Variants in RTKN2 observed in about 807,000 individuals in gnomAD.
The protein encoded by RTKN2 is rhotekin 2.
Under a neutral mutation model 71.5 loss-of-function variants are expected in RTKN2, and 69 were observed. That is an observed-to-expected ratio of 0.96 (90% confidence interval 0.79 to 1.18). RTKN2 has a LOEUF of 1.18. RTKN2 is among the 50% of genes most tolerant of loss of function. RTKN2 has a pLI of 0.00. For missense variants in RTKN2, 724 were observed against 719.7 expected (o/e 1.01, Z -0.07); for synonymous variants, 236 against 236.5 (o/e 1.00, Z 0.02).
chr10:62,188,708 C>T (rs914556125), downstream of RTKN2, among the ~76,000 whole-genome samples: 7 of 151,788 alleles, frequency 4.6e-5, no homozygotes, highest in Non-Finnish European at 8.8e-5. Flanking sequence ...CCTTTCTTTT[C>T]ATTCCCACTA....
chr10:62,247,540 T>C (rs910848491), intron 2 of RTKN2, among the ~76,000 whole-genome samples: 2 of 151,982 alleles, frequency 1.3e-5, no homozygotes, highest in African/African-American at 4.8e-5. Context: ...CAAATACTCA[T>C]TGTTTATTTC....
rs373879136 is a variant in RTKN2, at chr10:62,199,808, G to A, written c.1240C>T (p.Arg414Trp). The change falls in exon 11 of 12, where the codon CGG (arginine) becomes TGG (tryptophan). Residue 414 changes from arginine (R) to tryptophan (W), a missense_variant. By Grantham distance (101) the Arg-to-Trp change is moderately radical (BLOSUM62 -3). Transcript: ENST00000373789. ...TTTGTCAAGAACAAAGGTGGTTTCCGTGGTGACATAATCTCAATTTTCATA... is the reference window on the plus strand; with the variant it reads ...TTTGTCAAGAACAAAGGTGGTTTCCATGGTGACATAATCTCAATTTTCATA... ...ELMKIEIMSPRKPPLFLTKEA... is the reference protein window; with the variant it reads ...ELMKIEIMSPWKPPLFLTKEA... The A allele has an allele frequency of 1.7e-4, 267 of 1,613,512 alleles. No individual in the cohort carries two copies. The highest frequency in any genetic ancestry group is 2.2e-4 in the Non-Finnish European group (256 of 1,179,704).
Position 62,195,121 on chromosome 10 carries a change from A to G in RTKN2, c.*2787T>C, listed in dbSNP as rs1473774407. On this transcript the variant is annotated 3_prime_UTR_variant, in exon 12 of 12. Coordinates refer to ENST00000373789, the MANE Select transcript of RTKN2 (RefSeq NM_145307.4). ...ATACTATCTTAATGCTGACTACGTAATTTATATCCCAGAGCTTGAAATGTA... is the reference window on the plus strand; with the variant it reads ...ATACTATCTTAATGCTGACTACGTAGTTTATATCCCAGAGCTTGAAATGTA... The G allele has an allele frequency of 1.0e-6, 1 of 980,426 alleles. No homozygotes were observed. Among genetic ancestry groups the G allele is most frequent in the Admixed American group, 6.2e-5 (1 of 16,256 alleles). The allele number at this position is 980,426 out of a possible 1,614,324, so 60.7% of individuals were successfully genotyped here.
rs4104327 is a variant in RTKN2, at chr10:62,258,560, C to G, written c.257+4065G>C. Reference sequence around the variant, plus strand: ...GGTTATTTCAATTATTTACTCTCATCTTTTTAATACCCTGCTGCCAAATAA... The same window carrying G: ...GGTTATTTCAATTATTTACTCTCATGTTTTTAATACCCTGCTGCCAAATAA... On this transcript the variant is annotated intron_variant, in intron 2 of 11. Transcript: ENST00000373789. Among the ~76,000 whole-genome samples, 38 of 152,198 alleles carry G rather than the reference C, an allele frequency of 2.5e-4. No individual in the cohort carries two copies. The South Asian group carries it at 7.5e-3, about 30-fold the overall frequency.
chr10:62,185,755 CAT>C (rs2132753047), intron 8 of RTKN2, among the ~76,000 whole-genome samples: 1 of 152,334 alleles, frequency 6.6e-6, no homozygotes, highest in East Asian at 1.9e-4. Context: ...GGCACAGTTA[CAT>C]GTGACTGCTG....
chr10:62,189,332 G>A (rs1018270997), downstream of RTKN2, among the ~76,000 whole-genome samples: 3 of 152,070 alleles, frequency 2.0e-5, no homozygotes. Context: ...ATCACCCCTG[G>A]TTGAGATCAT....
In RTKN2 at chr10:62,194,003, T is replaced by C. The variant is rs1841273711; in HGVS notation, c.*3905A>G. The C allele has an allele frequency of 1.0e-6, 1 of 985,108 alleles. No homozygotes were observed. 61.0% of individuals were successfully genotyped at this position (985,108 alleles called of 1,614,324 possible). ...GAGAAAAAGTTAGAAAACGTCTTCA[T>C]GAATCAGTTCTTTTAATGTACAGAA... On this transcript the variant is annotated 3_prime_UTR_variant, in exon 12 of 12. Transcript: ENST00000373789.
Position 62,194,204 on chromosome 10 carries a change from C to G in RTKN2, c.*3704G>C, listed in dbSNP as rs1034314195. 2.0e-6 allele frequency: 2 copies of G among 984,368 alleles called. No individual in the cohort carries two copies. Among genetic ancestry groups the G allele is most frequent in the African/African-American group, 3.5e-5 (2 of 57,216 alleles). 61.0% of individuals were successfully genotyped at this position (984,368 alleles called of 1,614,324 possible). A position where few individuals can be genotyped will look rare whatever the true frequency, so the allele number is the denominator to read the frequency against. On this transcript the variant is annotated 3_prime_UTR_variant, in exon 12 of 12. Transcript: ENST00000373789. ...AAATCAACACACCCTAATATATTTTCAAATGATGACTTGTCTTTTAAAAAC... is the reference window on the plus strand; with the variant it reads ...AAATCAACACACCCTAATATATTTTGAAATGATGACTTGTCTTTTAAAAAC...
At position 62,197,545 on chromosome 10, in the gene RTKN2, TA is replaced by T; in HGVS notation, c.*362del. 1.0e-6 allele frequency: 1 copy of T among 1,004,652 alleles called. No homozygotes were observed. Among genetic ancestry groups the T allele is most frequent in the Non-Finnish European group, 1.2e-6 (1 of 841,500 alleles). 62.2% of individuals were successfully genotyped at this position (1,004,652 alleles called of 1,614,324 possible). On this transcript the variant is annotated 3_prime_UTR_variant, in exon 12 of 12. Transcript: ENST00000373789. ...ATTCTCACAATGAGAATATGGTTCA[TA>T]TTTAACACATTTTAAATTACTAGAC...
At chr10:62,261,746 T>C (rs904044928) in intron 2 of RTKN2, among the ~76,000 whole-genome samples, 3 of 152,156 alleles carry the variant, frequency 2.0e-5, no homozygotes, top group African/African-American at 7.2e-5. Context: ...TACATCCTCA[T>C]CAAAATTTTA....
At position 62,196,939 on chromosome 10, in the gene RTKN2, C is replaced by T. The variant is rs7088302; in HGVS notation, c.*969G>A. Reference sequence around the variant, plus strand: ...TCCTATGGAAATGATTCCAATGTCACTGTTGTAAGAATATGACATTTAATG... The same window carrying T: ...TCCTATGGAAATGATTCCAATGTCATTGTTGTAAGAATATGACATTTAATG... On this transcript the variant is annotated 3_prime_UTR_variant, in exon 12 of 12. Coordinates refer to ENST00000373789, the MANE Select transcript of RTKN2 (RefSeq NM_145307.4). 0.25 allele frequency: 248,879 copies of T among 978,392 alleles called. 35,480 individuals carry two copies. The highest frequency in any genetic ancestry group is 0.58 in the African/African-American group (33,088 of 56,970). 60.6% of individuals were successfully genotyped at this position (978,392 alleles called of 1,614,324 possible). A position where few individuals can be genotyped will look rare whatever the true frequency, so the allele number is the denominator to read the frequency against.
intron 3 of RTKN2, 93 bp from the exon 4 acceptor site, chr10:62,241,288 G>T: frequency 1.4e-6 from 1 of 690,184 alleles, no homozygotes; most frequent in Non-Finnish European, 2.5e-6. Context: ...TAATAATTCT[G>T]ACTACTATAG....
At chr10:62,249,452 T>A (rs1229453325) in intron 2 of RTKN2, among the ~76,000 whole-genome samples, 1 of 150,756 alleles carries the variant, frequency 6.6e-6, no homozygotes, top group East Asian at 2.0e-4. Flanking sequence ...CCGTGTGTAC[T>A]TTTTTTGTGC....
intron 10 of RTKN2, 89 bp downstream of exon 10, chr10:62,204,768 A>C: frequency 9.6e-7 from 1 of 1,038,652 alleles, no homozygotes; most frequent in Middle Eastern, 3.2e-4. Context: ...TTTTTGCTAC[A>C]AACTCTAAGA....
intron 3 of RTKN2, among the ~76,000 whole-genome samples, chr10:62,245,494 C>T (rs1334740152): frequency 3.3e-5 from 5 of 152,050 alleles, no homozygotes; most frequent in Non-Finnish European, 5.9e-5. Flanking sequence ...GGTCTTTACA[C>T]TACAGGCAAT....
chr10:62,238,439 T>A (rs796065851), intron 5 of RTKN2: 5 of 152,070 alleles, frequency 3.3e-5, no homozygotes, highest in African/African-American at 1.2e-4. Context: ...AAAGTCTGAT[T>A]TTTGTCTCCA....
chr10:62,250,877 C>T (rs1333029030), intron 2 of RTKN2, among the ~76,000 whole-genome samples: 3 of 152,190 alleles, frequency 2.0e-5, no homozygotes, highest in African/African-American at 7.2e-5. Flanking sequence ...GTGATCCACC[C>T]ACCTCGGCCT....
intron 10 of RTKN2, among the ~76,000 whole-genome samples, chr10:62,201,842 T>C (rs1420757220): frequency 6.6e-6 from 1 of 152,012 alleles, no homozygotes; most frequent in Non-Finnish European, 1.5e-5. Context: ...TGCCAGCAAA[T>C]AAATCTCTAT....
chr10:62,232,553 C>T (rs889749466), intron 6 of RTKN2, among the ~76,000 whole-genome samples: 5 of 151,922 alleles, frequency 3.3e-5, no homozygotes, highest in Admixed American at 6.6e-5. Context: ...TTGCCTGCCT[C>T]GGCCTCCCAA....
Sources: gnomAD v4.1 joint callset for allele counts (sites outside exome capture counted in the v4.1 genomes callset) on GRCh38, gnomAD v4.1.1 for gene constraint, MANE v1.5 for transcripts, NCBI Gene and HGNC (gene_info 2026-07-23, HGNC 2026-07-21) for gene names.